ATG10: variants seen among roughly 807,000 people sequenced by gnomAD.
ATG10 encodes the protein ubiquitin-like-conjugating enzyme ATG10.
ATG10 carries 30 observed loss-of-function variants against 32.1 expected under a neutral mutation model. The observed-to-expected ratio is 0.94, with a 90% CI of 0.70 to 1.27. The LOEUF (loss-of-function observed/expected upper bound fraction) is 1.27. Among genes scored for constraint, ATG10 ranks in the 50% most tolerant of loss-of-function variants. The pLI is 0.00. For missense variants in ATG10, 233 were observed against 262.3 expected, an observed-to-expected ratio of 0.89 and a Z score of 0.77; for synonymous variants, 87 against 91.5, an observed-to-expected ratio of 0.95 and a Z score of 0.28.
At chr5:82,055,739 T>C (rs1763572513) in intron 2 of ATG10, among the ~76,000 whole-genome samples, 1 of 152,220 alleles carries the variant, frequency 6.6e-6, no homozygotes, top group African/African-American at 2.4e-5. Flanking sequence ...ATTATAGTTT[T>C]ACCGTATAGT....
At chr5:82,055,215 G>T (rs561385526) in intron 2 of ATG10, among the ~76,000 whole-genome samples, 5 of 152,008 alleles carry the variant, frequency 3.3e-5, no homozygotes, top group Admixed American at 3.3e-4. Flanking sequence ...ATTTTTCAAG[G>T]CTAATCTTGA....
chr5:82,009,764 G>A, intron 2 of ATG10: 7 of 1,606,578 alleles, frequency 4.4e-6, no homozygotes, highest in Non-Finnish European at 6.0e-6. Context: ...TGAAAAACTG[G>A]GAGCCATTTG....
In ATG10 at chr5:82,164,501, C is replaced by G; in HGVS notation, c.319C>G (p.Gln107Glu). The G allele has an allele frequency of 6.2e-7, 1 of 1,613,408 alleles. No homozygotes were observed. The highest frequency in any genetic ancestry group is 8.5e-7 in the Non-Finnish European group (1 of 1,179,500). ...EYHVLYSCSY[Q>E]VPVLYFRASF... ...TCATGTCTTATATTCCTGTAGCTAC[C>G]AAGTGCCTGTACTTTACTTTAGGGC... Residue 107 changes from glutamine (Q) to glutamate (E), a missense_variant, in exon 4 of 8, where the codon CAA becomes GAA. Coordinates refer to ENST00000282185, the MANE Select transcript of ATG10 (RefSeq NM_031482.5).
chr5:81,977,123 G>A (rs528511614), intron 1 of ATG10, among the ~76,000 whole-genome samples: 1 of 152,116 alleles, frequency 6.6e-6, no homozygotes, highest in Non-Finnish European at 1.5e-5. Flanking sequence ...CAATCCACCT[G>A]CCTTGTCCTC....
intron 5 of ATG10, among the ~76,000 whole-genome samples, chr5:82,237,531 C>G (rs1289196864): frequency 1.3e-5 from 2 of 151,968 alleles, no homozygotes; most frequent in Non-Finnish European, 2.9e-5. Flanking sequence ...CTAGTCCCAA[C>G]TACTCCGGAG....
At chr5:82,011,220 T>A (rs963521770) in intron 2 of ATG10, among the ~76,000 whole-genome samples, 2 of 152,148 alleles carry the variant, frequency 1.3e-5, no homozygotes, top group Non-Finnish European at 2.9e-5. Flanking sequence ...TCTAGATGGC[T>A]CCACCAACCT....
chr5:82,145,381 A>T (rs955449594), intron 3 of ATG10, among the ~76,000 whole-genome samples: 1 of 151,410 alleles, frequency 6.6e-6, no homozygotes, highest in Non-Finnish European at 1.5e-5. Context: ...TCTCACTTTA[A>T]TTTGCCTTTT....
chr5:82,253,431 TA>T lies in ATG10; in HGVS notation c.*4+6del, dbSNP rs745653042. 1.3e-6 allele frequency: 2 copies of T among 1,523,070 alleles called. No individual in the cohort carries two copies. The highest frequency in any genetic ancestry group is 1.8e-6 in the Non-Finnish European group (2 of 1,097,338). 94.3% of individuals were successfully genotyped at this position (1,523,070 alleles called of 1,614,324 possible). A position where few individuals can be genotyped will look rare whatever the true frequency, so the allele number is the denominator to read the frequency against. On this transcript the variant is annotated splice_donor_region_variant and intron_variant, in intron 7 of 7. Transcript: ENST00000282185. ...ATGAACGAAATGTCCCTTAACAAGG[TA>T]AAAGAAAAGCCTGGATTTAATGTTT...
chr5:82,076,279 AT>A (rs934690522), intron 3 of ATG10, among the ~76,000 whole-genome samples: 3 of 152,132 alleles, frequency 2.0e-5, no homozygotes, highest in Non-Finnish European at 4.4e-5. Context: ...GTATTTTCTG[AT>A]TTGTAATAAG....
chr5:82,128,492 A>G (rs1371739991), intron 3 of ATG10, among the ~76,000 whole-genome samples: 11 of 143,816 alleles, frequency 7.6e-5, no homozygotes, highest in South Asian at 2.2e-4. Context: ...GGTGGTGACA[A>G]AATCTCTCAG....
intron 3 of ATG10, among the ~76,000 whole-genome samples, chr5:82,124,804 C>T (rs1766193794): frequency 6.6e-6 from 1 of 151,952 alleles, no homozygotes; most frequent in South Asian, 2.1e-4. Flanking sequence ...GGATATATGC[C>T]CAGTAATGGG....
chr5:82,057,000 C>A (rs1200959013), intron 2 of ATG10, among the ~76,000 whole-genome samples: 1 of 150,730 alleles, frequency 6.6e-6, no homozygotes, highest in East Asian at 2.0e-4. Flanking sequence ...ACAGTAATTC[C>A]ATCTACAAAA....
chr5:82,061,743 T>G (rs1227132393), intron 3 of ATG10, among the ~76,000 whole-genome samples: 1 of 146,392 alleles, frequency 6.8e-6, no homozygotes, highest in East Asian at 2.0e-4. Flanking sequence ...TGGGTGTATG[T>G]GTATATATGT....
intron 2 of ATG10, among the ~76,000 whole-genome samples, chr5:82,020,802 T>A (rs755608013): frequency 1.3e-5 from 2 of 152,196 alleles, no homozygotes; most frequent in Non-Finnish European, 2.9e-5. Context: ...TCAGAGTTAT[T>A]GCGAGAAGGC....
At chr5:82,060,919 AGTAT>A (rs2149753781) in intron 3 of ATG10, among the ~76,000 whole-genome samples, 1 of 152,336 alleles carries the variant, frequency 6.6e-6, no homozygotes, top group Non-Finnish European at 1.5e-5. Context: ...ATAGAATCCG[AGTAT>A]GGTTAACATT....
At chr5:81,988,819 C>T (rs896804600) in intron 2 of ATG10, among the ~76,000 whole-genome samples, 1 of 152,106 alleles carries the variant, frequency 6.6e-6, no homozygotes, top group Non-Finnish European at 1.5e-5. Context: ...AGTTCTCTGT[C>T]AAAAACTGTT....
chr5:82,022,997 A>G (rs1341630902), intron 2 of ATG10, among the ~76,000 whole-genome samples: 2 of 147,620 alleles, frequency 1.4e-5, no homozygotes, highest in Non-Finnish European at 3.0e-5. Context: ...GTATATATAC[A>G]CACACATAAA....
At chr5:82,142,959 G>T (rs1388336238) in intron 3 of ATG10, among the ~76,000 whole-genome samples, 1 of 152,198 alleles carries the variant, frequency 6.6e-6, no homozygotes, top group Non-Finnish European at 1.5e-5. Context: ...TTTGCTTGAT[G>T]AGATAATGAC....
chr5:82,175,356 G>A (rs576870667), intron 4 of ATG10, among the ~76,000 whole-genome samples: 1 of 152,262 alleles, frequency 6.6e-6, no homozygotes, highest in Non-Finnish European at 1.5e-5. Context: ...TTGTTGCCCA[G>A]GCTGGTCTCA....
Sources: allele counts gnomAD v4.1 joint callset (sites outside exome capture counted in the v4.1 genomes callset), GRCh38; gene constraint gnomAD v4.1.1; transcripts MANE v1.5; gene names NCBI Gene and HGNC (gene_info 2026-07-23, HGNC 2026-07-21).